UNC13C: variants seen among roughly 807,000 people sequenced by gnomAD.
UNC13C encodes the protein protein unc-13 homolog C.
UNC13C carries 174 observed loss-of-function variants against 245.4 expected under a neutral mutation model. The observed-to-expected ratio is 0.71, with a 90% CI of 0.63 to 0.80. UNC13C has a LOEUF of 0.80. UNC13C is among the 30% of genes least tolerant of loss of function. UNC13C has a pLI of 0.00. For synonymous variants in UNC13C, 992 were observed against 895.1 expected (o/e 1.11, Z -1.93); for missense variants, 2,829 against 2,602.9 (o/e 1.09, Z -1.89).
intron 13 of UNC13C, among the ~76,000 whole-genome samples, chr15:54,314,232 A>T (rs4776225): frequency 0.14 from 21,980 of 151,710 alleles, 1,780 homozygotes; most frequent in East Asian, 0.18. Context: ...TCATTTTACA[A>T]CATGGTGACT....
the UNC13C span, among the ~76,000 whole-genome samples, chr15:53,917,811 T>C: frequency 6.6e-6 from 1 of 152,224 alleles, no homozygotes; most frequent in Admixed American, 6.5e-5. Flanking sequence ...AAATTCTTTG[T>C]CACTTTCATT....
At chr15:54,392,172 A>C (rs2140915364) in intron 17 of UNC13C, among the ~76,000 whole-genome samples, 1 of 152,248 alleles carries the variant, frequency 6.6e-6, no homozygotes, top group Non-Finnish European at 1.5e-5. Context: ...TAAATGTAAA[A>C]GAAGTGCTCT....
chr15:53,923,768 C>T, the UNC13C span, among the ~76,000 whole-genome samples: 1 of 152,210 alleles, frequency 6.6e-6, no homozygotes, highest in African/African-American at 2.4e-5. Context: ...TTTGTAAGTG[C>T]TCCAAGGCTG....
At chr15:54,397,593 A>G (rs1289635660) in intron 18 of UNC13C, among the ~76,000 whole-genome samples, 2 of 151,502 alleles carry the variant, frequency 1.3e-5, no homozygotes, top group South Asian at 2.1e-4. Flanking sequence ...TTGATATTGC[A>G]TTAAATATAT....
chr15:54,409,992 G>A (rs878914193), intron 18 of UNC13C, among the ~76,000 whole-genome samples: 1 of 152,126 alleles, frequency 6.6e-6, no homozygotes, highest in Middle Eastern at 3.2e-3. Flanking sequence ...ATTCCCACTA[G>A]CAGCGTATAA....
At chr15:53,841,867 GT>G in the UNC13C span, among the ~76,000 whole-genome samples, 1 of 152,142 alleles carries the variant, frequency 6.6e-6, no homozygotes, top group Non-Finnish European at 1.5e-5. Context: ...CCATGGTGAT[GT>G]TATGACATCA....
intron 25 of UNC13C, among the ~76,000 whole-genome samples, chr15:54,529,284 G>A (rs2141144942): frequency 6.6e-6 from 1 of 152,190 alleles, no homozygotes; most frequent in South Asian, 2.1e-4. Flanking sequence ...GTATAACCCT[G>A]CTATTAAAGG....
At chr15:53,922,781 A>G in the UNC13C span, among the ~76,000 whole-genome samples, 1 of 152,316 alleles carries the variant, frequency 6.6e-6, no homozygotes, top group Non-Finnish European at 1.5e-5. Context: ...AGTATTTTTA[A>G]TTTCAGTGAT....
At chr15:54,417,515 C>G (rs1033056143) in intron 19 of UNC13C, among the ~76,000 whole-genome samples, 2 of 152,082 alleles carry the variant, frequency 1.3e-5, no homozygotes, top group Non-Finnish European at 2.9e-5. Context: ...AAAACTTACT[C>G]TAAATCTATG....
chr15:54,416,884 A>G (rs1401801922), intron 19 of UNC13C: 1 of 456,496 alleles, frequency 2.2e-6, no homozygotes, highest in Non-Finnish European at 4.4e-6. Context: ...TCTTCGCTAC[A>G]GTAAAAGTTT....
chr15:54,279,587 G>A (rs2036923943), intron 10 of UNC13C, among the ~76,000 whole-genome samples: 2 of 152,166 alleles, frequency 1.3e-5, no homozygotes, highest in African/African-American at 4.8e-5. Flanking sequence ...TTGAAAGATG[G>A]CAGCTCTTCT....
chr15:54,427,222 G>A (rs2040777109), intron 19 of UNC13C, among the ~76,000 whole-genome samples: 1 of 151,760 alleles, frequency 6.6e-6, no homozygotes, highest in Non-Finnish European at 1.5e-5. Flanking sequence ...TGTGTTGTGG[G>A]AAGGACCCAG....
chr15:54,454,128 T>C (rs1033207343), intron 19 of UNC13C, among the ~76,000 whole-genome samples: 6 of 151,586 alleles, frequency 4.0e-5, no homozygotes, highest in Non-Finnish European at 8.8e-5. Context: ...TATTGTGATA[T>C]ATATATATAT....
At chr15:54,172,709 TA>T (rs373414612) in intron 4 of UNC13C, among the ~76,000 whole-genome samples, 66 of 54,220 alleles carry the variant, frequency 1.2e-3, no homozygotes, top group African/African-American at 5.6e-3. Flanking sequence ...CACAGATATA[TA>T]TATATATATA....
intron 1 of UNC13C, among the ~76,000 whole-genome samples, chr15:53,995,338 C>T (rs758348949): frequency 2.6e-5 from 4 of 151,978 alleles, no homozygotes; most frequent in Non-Finnish European, 5.9e-5. Context: ...TACTACCCTT[C>T]AGATAAAACT....
At chr15:54,306,642 A>G (rs1446507273) in intron 13 of UNC13C, among the ~76,000 whole-genome samples, 2 of 152,012 alleles carry the variant, frequency 1.3e-5, no homozygotes, top group Non-Finnish European at 2.9e-5. Flanking sequence ...CTGTCAAGAA[A>G]ATACATTTTC....
chr15:54,208,878 T>C (rs945472708), intron 4 of UNC13C, among the ~76,000 whole-genome samples: 2 of 152,174 alleles, frequency 1.3e-5, no homozygotes, highest in African/African-American at 2.4e-5. Flanking sequence ...CATTTATGCT[T>C]ATCCCATTTG....
chr15:54,211,491 G>T (rs1363048615), intron 4 of UNC13C, among the ~76,000 whole-genome samples: 1 of 152,044 alleles, frequency 6.6e-6, no homozygotes, highest in Non-Finnish European at 1.5e-5. Context: ...CTAGTATCAA[G>T]TTATCCTACT....
chr15:53,907,067 T>C, the UNC13C span, among the ~76,000 whole-genome samples: 1 of 152,138 alleles, frequency 6.6e-6, no homozygotes, highest in Non-Finnish European at 1.5e-5. Context: ...ATCCAAACCA[T>C]ATCAACACAG....
Sources: allele counts gnomAD v4.1 joint callset (sites outside exome capture counted in the v4.1 genomes callset), GRCh38; gene constraint gnomAD v4.1.1; transcripts MANE v1.5; gene names NCBI Gene and HGNC (gene_info 2026-07-23, HGNC 2026-07-21).